TDRD12: variants seen among roughly 807,000 people sequenced by gnomAD.
The protein encoded by TDRD12 is tudor domain containing 12.
In TDRD12, 158 loss-of-function variants were observed where a neutral mutation model predicts 133.5. The observed-to-expected ratio is 1.18, with a 90% CI of 1.04 to 1.35. TDRD12 has a LOEUF of 1.35. Among genes scored for constraint, TDRD12 ranks in the 40% most tolerant of loss-of-function variants. TDRD12 has a pLI of 0.00. For synonymous variants in TDRD12, 460 were observed against 477.9 expected, an observed-to-expected ratio of 0.96 and a Z score of 0.49; for missense variants, 1,443 against 1,321.3, an observed-to-expected ratio of 1.09 and a Z score of -1.43.
Position 32,775,479 on chromosome 19 carries a change from C to T in TDRD12, c.1041-1670C>T, listed in dbSNP as rs189694144. ...CCAAGTGGCTAGGACTGCAGGCATACACCACCACAGCTGGCTAACATTTTA... is the reference window on the plus strand; with the variant it reads ...CCAAGTGGCTAGGACTGCAGGCATATACCACCACAGCTGGCTAACATTTTA... On this transcript the variant is annotated intron_variant, in intron 10 of 27. Transcript: ENST00000444215. Among the ~76,000 whole-genome samples the T allele has an allele frequency of 3.9e-3, 587 of 152,280 alleles. 4 individuals are homozygous for T. Among genetic ancestry groups the T allele is most frequent in the Non-Finnish European group, 5.1e-3 (344 of 68,034 alleles).
chr19:32,819,314 C>CAAA (rs57431026), intron 27 of TDRD12, among the ~76,000 whole-genome samples: 2,234 of 135,128 alleles, frequency 0.017, 24 homozygotes, highest in East Asian at 0.036. Flanking sequence ...GACCTTGTCT[C>CAAA]AAAAAAAAAA....
intron 1 of TDRD12, among the ~76,000 whole-genome samples, chr19:32,721,633 G>C (rs991995087): frequency 6.6e-6 from 1 of 151,900 alleles, no homozygotes; most frequent in Non-Finnish European, 1.5e-5. Flanking sequence ...ACCTGCCTCC[G>C]CCTCCCAAAG....
exon 2 of TDRD12, chr19:32,731,875 G>A (rs1213847510): frequency 2.6e-6 from 4 of 1,545,660 alleles, no homozygotes; most frequent in East Asian, 2.4e-5. Context: ...AACATTGGAA[G>A]AAGGACAGGT....
intron 8 of TDRD12, among the ~76,000 whole-genome samples, chr19:32,772,289 A>G (rs1970462961): frequency 6.6e-6 from 1 of 152,192 alleles, no homozygotes; most frequent in African/African-American, 2.4e-5. Flanking sequence ...GTCCAAGACC[A>G]CAGATCCTGA....
At chr19:32,803,712 A>G (rs764376396) in intron 21 of TDRD12, among the ~76,000 whole-genome samples, 1 of 152,208 alleles carries the variant, frequency 6.6e-6, no homozygotes, top group Non-Finnish European at 1.5e-5. Flanking sequence ...GTACTGTCTG[A>G]CAGAGCCTGA....
intron 21 of TDRD12, among the ~76,000 whole-genome samples, chr19:32,804,264 G>T (rs1971479645): frequency 6.6e-6 from 1 of 151,420 alleles, no homozygotes; most frequent in African/African-American, 2.4e-5. Context: ...AGTAGATATG[G>T]GGTTTCACCA....
At chr19:32,740,158 T>C (rs113313704) in intron 3 of TDRD12, among the ~76,000 whole-genome samples, 3 of 126,070 alleles carry the variant, frequency 2.4e-5, no homozygotes, top group East Asian at 2.8e-4. Context: ...ATCTCCTGGG[T>C]ACTCTCTGCA....
intron 11 of TDRD12, among the ~76,000 whole-genome samples, chr19:32,786,945 C>G (rs1970925112): frequency 6.6e-6 from 1 of 152,182 alleles, no homozygotes; most frequent in East Asian, 1.9e-4. Context: ...CAAACTCATT[C>G]TCCATCCAGT....
chr19:32,817,984 AG>A, intron 26 of TDRD12, 104 bp from the exon 27 acceptor site: 1 of 669,714 alleles, frequency 1.5e-6, no homozygotes, highest in Non-Finnish European at 2.7e-6. Context: ...AAAAAAAAAA[AG>A]TGTTTTTACC....
intron 11 of TDRD12, among the ~76,000 whole-genome samples, chr19:32,782,125 A>T (rs1451932764): frequency 2.8e-4 from 19 of 66,990 alleles, no homozygotes; most frequent in African/African-American, 5.1e-4. Flanking sequence ...CTAGCCCCCC[A>T]CCCCCCACAG....
At chr19:32,797,274 C>T (rs999217990) in intron 14 of TDRD12, among the ~76,000 whole-genome samples, 3 of 152,138 alleles carry the variant, frequency 2.0e-5, no homozygotes, top group Non-Finnish European at 2.9e-5. Context: ...AGCCACTACA[C>T]CCAGCCAGGG....
At chr19:32,780,850 T>C (rs189164292) in intron 11 of TDRD12, among the ~76,000 whole-genome samples, 40 of 151,062 alleles carry the variant, frequency 2.6e-4, no homozygotes, top group African/African-American at 2.9e-4. Context: ...CTCAAACTTC[T>C]GGCCTCAAGC....
At position 32,809,298 on chromosome 19, in the gene TDRD12, C is replaced by G. The variant is rs79250618; in HGVS notation, c.2653-795C>G. Reference sequence around the variant, plus strand: ...CCACTGTGGAGGCAGGTGAAGCCTTCCAGGCTCGCTTGTTGCACTGGCTGA... The same window carrying G: ...CCACTGTGGAGGCAGGTGAAGCCTTGCAGGCTCGCTTGTTGCACTGGCTGA... On this transcript the variant is annotated intron_variant, in intron 22 of 27. Transcript: ENST00000444215. Among the ~76,000 whole-genome samples the G allele has an allele frequency of 2.0e-3, 301 of 152,310 alleles. 9 individuals carry two copies. In the East Asian group the frequency reaches 0.049, roughly 25 times the overall value.
intron 11 of TDRD12, among the ~76,000 whole-genome samples, chr19:32,780,545 G>A (rs1970733735): frequency 6.6e-6 from 1 of 152,086 alleles, no homozygotes; most frequent in Admixed American, 6.6e-5. Context: ...CACAGTGAGT[G>A]GTGAGAACGC....
Position 32,801,909 on chromosome 19 carries a change from G to T in TDRD12, c.2197+36G>T, listed in dbSNP as rs193071471. 5.2e-5 allele frequency: 39 copies of T among 749,168 alleles called. No homozygotes were observed. The African/African-American group carries it at 6.7e-4, about 13-fold the overall frequency. The allele number at this position is 749,168 out of a possible 1,614,324, so 46.4% of individuals were successfully genotyped here. A position where few individuals can be genotyped will look rare whatever the true frequency, so the allele number is the denominator to read the frequency against. On this transcript the variant is annotated intron_variant, in intron 19 of 27. Coordinates refer to ENST00000444215, the Ensembl canonical transcript of TDRD12. ...TAATTTCTACTTCTATTTAGTGAAG[G>T]TTGAGCTACTAGGAATTCTATCTTT...
At chr19:32,792,140 G>A (rs1055499966) in intron 13 of TDRD12, among the ~76,000 whole-genome samples, 14 of 152,142 alleles carry the variant, frequency 9.2e-5, no homozygotes, top group Non-Finnish European at 2.1e-4. Context: ...CAGCTACTTG[G>A]GAGGCTGAGG....
At chr19:32,780,024 G>T (rs946840806) in intron 11 of TDRD12, among the ~76,000 whole-genome samples, 18 of 149,886 alleles carry the variant, frequency 1.2e-4, no homozygotes, top group Admixed American at 1.1e-3. Flanking sequence ...AGCCTACTTT[G>T]TACTGCCCAC....
At chr19:32,725,337 T>TA (rs1968823723) in intron 1 of TDRD12, among the ~76,000 whole-genome samples, 1 of 152,096 alleles carries the variant, frequency 6.6e-6, no homozygotes, top group South Asian at 2.1e-4. Flanking sequence ...GTTTTTTTTT[T>TA]ATAGTTTTAG....
intron 8 of TDRD12, among the ~76,000 whole-genome samples, chr19:32,766,526 T>TG (rs1157014241): frequency 6.6e-6 from 1 of 152,224 alleles, no homozygotes; most frequent in Non-Finnish European, 1.5e-5. Flanking sequence ...TTGTCTCATC[T>TG]GGTTTTTGTT....
Sources: allele counts gnomAD v4.1 joint callset (sites outside exome capture counted in the v4.1 genomes callset), GRCh38; gene constraint gnomAD v4.1.1; transcripts MANE v1.5; gene names NCBI Gene and HGNC (gene_info 2026-07-23, HGNC 2026-07-21).